MAP3K7CL: variants seen among roughly 807,000 people sequenced by gnomAD.
The protein encoded by MAP3K7CL is MAP3K7 C-terminal-like protein.
In MAP3K7CL, 16 loss-of-function variants were observed where a neutral mutation model predicts 18.6. The ratio of observed to expected loss-of-function variants is 0.86; its 90% CI spans 0.58 to 1.31. MAP3K7CL has a LOEUF of 1.31. Among genes scored for constraint, MAP3K7CL ranks in the 50% most tolerant of loss-of-function variants. The probability of loss-of-function intolerance (pLI) is 0.00; values close to 1 mark genes in which losing one functional copy is unlikely to be tolerated. For missense variants in MAP3K7CL, 163 were observed against 174.4 expected (o/e 0.93, Z 0.37); for synonymous variants, 65 against 66.8 (o/e 0.97, Z 0.13).
intron 1 of MAP3K7CL, among the ~76,000 whole-genome samples, chr21:29,080,340 A>C (rs967501152): frequency 6.6e-6 from 1 of 152,238 alleles, no homozygotes; most frequent in African/African-American, 2.4e-5. Flanking sequence ...GAGGATTGGA[A>C]GGTGGTAGGA....
intron 4 of MAP3K7CL, among the ~76,000 whole-genome samples, chr21:29,101,502 C>T (rs895513215): frequency 3.3e-5 from 5 of 152,184 alleles, no homozygotes; most frequent in Admixed American, 6.5e-5. Flanking sequence ...CTCCACCTCC[C>T]GGATTCAGCC....
chr21:29,117,489 C>T (rs1189090180), intron 4 of MAP3K7CL, among the ~76,000 whole-genome samples: 1 of 152,200 alleles, frequency 6.6e-6, no homozygotes, highest in Non-Finnish European at 1.5e-5. Context: ...CAGCAAAATG[C>T]TGTTTGTATT....
chr21:29,174,629 C>T, intron 4 of MAP3K7CL, 83 bp from the exon 5 acceptor site: 1 of 1,477,194 alleles, frequency 6.8e-7, no homozygotes, highest in Non-Finnish European at 9.2e-7. Flanking sequence ...AATCATTCTA[C>T]TTCCATCATG....
chr21:29,089,260 T>A (rs1480778647), intron 1 of MAP3K7CL, among the ~76,000 whole-genome samples: 1 of 141,744 alleles, frequency 7.1e-6, no homozygotes, highest in African/African-American at 2.6e-5. Flanking sequence ...CATCTCTGAA[T>A]CAAGAAACTG....
intron 4 of MAP3K7CL, among the ~76,000 whole-genome samples, chr21:29,108,533 A>G (rs1568940135): frequency 6.6e-6 from 1 of 152,210 alleles, no homozygotes; most frequent in Admixed American, 6.5e-5. Context: ...TACCAGTAGT[A>G]TATAAAAAAA....
At chr21:29,134,848 G>A (rs1439611046) in intron 2 of MAP3K7CL, among the ~76,000 whole-genome samples, 5 of 152,188 alleles carry the variant, frequency 3.3e-5, no homozygotes, top group Non-Finnish European at 7.3e-5. Flanking sequence ...AGGAGATTGA[G>A]ACCATTCTGG....
At chr21:29,146,431 A>T (rs961765878) in intron 2 of MAP3K7CL, among the ~76,000 whole-genome samples, 1 of 152,210 alleles carries the variant, frequency 6.6e-6, no homozygotes, top group Non-Finnish European at 1.5e-5. Context: ...CCTACCTCTA[A>T]AGGTTCAGTG....
intron 2 of MAP3K7CL, 75 bp downstream of exon 2, chr21:29,133,489 CTG>C: frequency 1.7e-6 from 2 of 1,155,872 alleles, no homozygotes; most frequent in Non-Finnish European, 2.4e-6. Context: ...TGCCACGCCT[CTG>C]TGGAAAATTT....
upstream of MAP3K7CL, among the ~76,000 whole-genome samples, chr21:29,128,619 G>A (rs2086723077): frequency 6.6e-6 from 1 of 152,086 alleles, no homozygotes; most frequent in Admixed American, 6.6e-5. Flanking sequence ...TCTTTGATAC[G>A]GAGTGCATCC....
intron 1 of MAP3K7CL, among the ~76,000 whole-genome samples, chr21:29,087,589 C>CTTTT (rs56775764): frequency 1.3e-3 from 132 of 104,060 alleles, no homozygotes; most frequent in East Asian, 1.8e-3. Context: ...TTTTCTTTTT[C>CTTTT]TTTTTTTTTT....
intron 2 of MAP3K7CL, among the ~76,000 whole-genome samples, chr21:29,138,451 T>C (rs561206112): frequency 6.6e-6 from 1 of 152,328 alleles, no homozygotes; most frequent in African/African-American, 2.4e-5. Flanking sequence ...TCACTGGCCC[T>C]TCTCCAGCTA....
Position 29,160,005 on chromosome 21 carries a change from C to T in MAP3K7CL, c.197C>T (p.Ala66Val). ...GTGTTCAAACAGCACTGCCAAATAG[C>T]AGAAGAATACCATGAGGTCAAAAAG... ...MEVFKQHCQI[A>V]EEYHEVKKEI... The change falls in exon 4 of 5, where the codon GCA becomes GTA. Residue 66 changes from alanine (A) to valine (V), a missense_variant. Physicochemically the swap from Ala to Val is moderately conservative, Grantham distance 64. Coordinates refer to ENST00000399928, the MANE Select transcript of MAP3K7CL (RefSeq NM_001286620.2). 1 of 1,614,076 alleles carries T rather than the reference C, an allele frequency of 6.2e-7. No individual in the cohort carries two copies. The highest frequency in any genetic ancestry group is 8.5e-7 in the Non-Finnish European group (1 of 1,179,968).
chr21:29,173,996 A>C (rs776938489), intron 4 of MAP3K7CL, among the ~76,000 whole-genome samples: 1 of 152,208 alleles, frequency 6.6e-6, no homozygotes, highest in Non-Finnish European at 1.5e-5. Flanking sequence ...CACTGTGCCC[A>C]ACCTTTAGCT....
exon 2 of MAP3K7CL, chr21:29,091,518 C>T: frequency 2.9e-6 from 2 of 699,368 alleles, no homozygotes; most frequent in Non-Finnish European, 5.2e-6. Context: ...CTCTGTCACG[C>T]AGGCTGGAAT....
intron 1 of MAP3K7CL, 50 bp downstream of exon 1, chr21:29,130,973 C>A: frequency 3.1e-6 from 3 of 957,514 alleles, no homozygotes; most frequent in Non-Finnish European, 3.7e-6. Flanking sequence ...TCAGCAGCAA[C>A]TTAACCAAAG....
At chr21:29,088,407 G>C (rs147007336) in intron 1 of MAP3K7CL, among the ~76,000 whole-genome samples, 162 of 152,120 alleles carry the variant, frequency 1.1e-3, no homozygotes, top group Non-Finnish European at 1.9e-3. Flanking sequence ...TTACATTTTC[G>C]CACTGTTTTG....
chr21:29,143,528 T>G (rs1170644901), intron 2 of MAP3K7CL, among the ~76,000 whole-genome samples: 2 of 151,990 alleles, frequency 1.3e-5, no homozygotes, highest in Non-Finnish European at 2.9e-5. Flanking sequence ...GTTCAAGCAA[T>G]TCTCCTGCCT....
chr21:29,104,855 C>G (rs940184954), intron 4 of MAP3K7CL, among the ~76,000 whole-genome samples: 2 of 152,208 alleles, frequency 1.3e-5, no homozygotes, highest in African/African-American at 4.8e-5. Flanking sequence ...TTCCTGCAGT[C>G]TTTTCATGCC....
At chr21:29,119,042 C>T (rs2086549813) in intron 4 of MAP3K7CL, among the ~76,000 whole-genome samples, 2 of 152,152 alleles carry the variant, frequency 1.3e-5, no homozygotes, top group Non-Finnish European at 1.5e-5. Flanking sequence ...TTACCAGTCT[C>T]GGCCATTATC....
Sources: gnomAD v4.1 joint callset for allele counts (sites outside exome capture counted in the v4.1 genomes callset) on GRCh38, gnomAD v4.1.1 for gene constraint, MANE v1.5 for transcripts, NCBI Gene and HGNC (gene_info 2026-07-23, HGNC 2026-07-21) for gene names.